The following ZFHX3 variants were observed in gnomAD, a reference collection of about 807,000 sequenced individuals.
ZFHX3 encodes the protein zinc finger homeobox protein 3.
In ZFHX3, 42 loss-of-function variants were observed where a neutral mutation model predicts 279.1. The observed-to-expected ratio is 0.15, with a 90% confidence interval of 0.12 to 0.19. ZFHX3 has a LOEUF of 0.19. ZFHX3 is among the 10% of genes least tolerant of loss of function. ZFHX3 has a pLI of 1.00. For missense variants in ZFHX3, 4,981 were observed against 4,754.0 expected, an observed-to-expected ratio of 1.05 and a Z score of -1.40; for synonymous variants, 2,293 against 1,957.8, an observed-to-expected ratio of 1.17 and a Z score of -4.52.
At chr16:73,591,063 T>A (rs188063763) in intron 2 of ZFHX3, among the ~76,000 whole-genome samples, 2 of 152,062 alleles carry the variant, frequency 1.3e-5, no homozygotes, top group African/African-American at 4.8e-5. Flanking sequence ...CCTCAAAAAC[T>A]AGAAAATAAG....
At chr16:73,676,821 T>C (rs2052959543) in intron 2 of ZFHX3, among the ~76,000 whole-genome samples, 1 of 151,860 alleles carries the variant, frequency 6.6e-6, no homozygotes, top group Non-Finnish European at 1.5e-5. Context: ...TTAATATTAG[T>C]ATTAGAGAAA....
At chr16:72,985,944 G>A (rs946135002) in intron 1 of ZFHX3, among the ~76,000 whole-genome samples, 7 of 152,130 alleles carry the variant, frequency 4.6e-5, no homozygotes, top group African/African-American at 1.7e-4. Context: ...TGTTTATTAT[G>A]ATAATTGCAG....
intron 3 of ZFHX3, among the ~76,000 whole-genome samples, chr16:73,430,295 A>G (rs908774328): frequency 6.6e-6 from 1 of 152,174 alleles, no homozygotes; most frequent in Non-Finnish European, 1.5e-5. Context: ...CAATGAATCC[A>G]TTTAATTAAA....
intron 4 of ZFHX3, among the ~76,000 whole-genome samples, chr16:72,886,767 C>G (rs1422689784): frequency 6.6e-6 from 1 of 152,170 alleles, no homozygotes; most frequent in African/African-American, 2.4e-5. Context: ...TAATGCAGAG[C>G]AGCGGATCAA....
At chr16:73,649,943 A>T (rs2052655302) in intron 2 of ZFHX3, among the ~76,000 whole-genome samples, 2 of 152,226 alleles carry the variant, frequency 1.3e-5, no homozygotes, top group South Asian at 4.1e-4. Context: ...TCTGGATGTG[A>T]GTCACGGCTC....
At chr16:73,390,071 T>C (rs1019604826) in intron 3 of ZFHX3, among the ~76,000 whole-genome samples, 19 of 151,934 alleles carry the variant, frequency 1.3e-4, no homozygotes, top group Admixed American at 2.6e-4. Flanking sequence ...AAAAAATAAA[T>C]AAAAAATAAA....
At chr16:72,990,621 C>T (rs187715901) in intron 1 of ZFHX3, among the ~76,000 whole-genome samples, 15 of 152,272 alleles carry the variant, frequency 9.9e-5, no homozygotes, top group South Asian at 4.1e-4. Flanking sequence ...TCACTTTAAA[C>T]GATTTTTGTC....
At chr16:73,193,973 C>G (rs73597308) in intron 5 of ZFHX3, among the ~76,000 whole-genome samples, 2,489 of 152,264 alleles carry the variant, frequency 0.016, 67 homozygotes, top group African/African-American at 0.056. Flanking sequence ...AAGCCTGATT[C>G]GTTTCTGAAA....
rs745803083 is a variant in ZFHX3, at chr16:72,788,109, T to TTGCTGC, written c.10161_10166dup (p.Gln3388_Gln3389dup). Reference sequence around the variant, plus strand: ...CTTTGGGCTGCTGCTGCTGCACTTTTTGCTGCTGCTGCTGCTGTAGTTGCC... The same window carrying TTGCTGC: ...CTTTGGGCTGCTGCTGCTGCACTTTTTGCTGCTGCTGCTGCTGCTGCTGTAGTTGCC... On this transcript the variant is annotated inframe_insertion, in exon 10 of 10. Coordinates refer to ENST00000268489, the MANE Select transcript of ZFHX3 (RefSeq NM_006885.4). 2.2e-5 allele frequency: 36 copies of TTGCTGC among 1,607,940 alleles called. No individual in the cohort carries two copies. The highest frequency in any genetic ancestry group is 8.4e-5 in the Admixed American group (5 of 59,772).
intron 1 of ZFHX3, among the ~76,000 whole-genome samples, chr16:73,823,517 T>C (rs531859578): frequency 3.9e-5 from 6 of 152,238 alleles, no homozygotes; most frequent in African/African-American, 1.2e-4. Context: ...AGGTCGACTC[T>C]GAACAGAATC....
intron 4 of ZFHX3, among the ~76,000 whole-genome samples, chr16:72,866,110 T>G (rs946381078): frequency 2.0e-5 from 3 of 152,130 alleles, no homozygotes; most frequent in African/African-American, 7.2e-5. Context: ...TGTGGACAGA[T>G]GAAATGAAAA....
intron 1 of ZFHX3, among the ~76,000 whole-genome samples, chr16:73,716,631 ACACACACACACACACACACGCATG>A (rs2053417217): frequency 1.4e-5 from 2 of 143,240 alleles, no homozygotes; most frequent in Admixed American, 6.9e-5. Context: ...ACACACACAC[ACACACACACACACACACACGCATG>A]CACGCACGCA....
At chr16:73,885,611 A>G (rs1300778698) in intron 1 of ZFHX3, among the ~76,000 whole-genome samples, 2 of 152,144 alleles carry the variant, frequency 1.3e-5, no homozygotes, top group Non-Finnish European at 2.9e-5. Context: ...CAAACTGTTC[A>G]AAAACAGTAA....
Position 72,785,083 on chromosome 16 carries a change from G to GTT in ZFHX3, c.*2080_*2081insAA, listed in dbSNP as rs2035304275. Reference sequence around the variant, plus strand: ...TTGAAACATAAGGAAGAAAACGAAGGGAAGAAGGATTTCACACTTTGGGGG... The same window carrying GTT: ...TTGAAACATAAGGAAGAAAACGAAGGTTGAAGAAGGATTTCACACTTTGGGGG... On this transcript the variant is annotated 3_prime_UTR_variant, in exon 10 of 10. Coordinates refer to ENST00000268489, the MANE Select transcript of ZFHX3 (RefSeq NM_006885.4). 1 of 152,590 alleles carries GTT rather than the reference G, an allele frequency of 6.6e-6. No homozygotes were observed. Among genetic ancestry groups the GTT allele is most frequent in the African/African-American group, 2.4e-5 (1 of 41,426 alleles). 9.5% of individuals were successfully genotyped at this position (152,590 alleles called of 1,614,324 possible). A position where few individuals can be genotyped will look rare whatever the true frequency, so the allele number is the denominator to read the frequency against.
intron 5 of ZFHX3, among the ~76,000 whole-genome samples, chr16:73,151,661 T>C (rs547541185): frequency 6.6e-6 from 1 of 152,144 alleles, no homozygotes; most frequent in East Asian, 1.9e-4. Context: ...TAAAAACACA[T>C]TTAGGTCTGT....
At chr16:73,531,815 A>C (rs924514595) in intron 2 of ZFHX3, among the ~76,000 whole-genome samples, 2 of 151,360 alleles carry the variant, frequency 1.3e-5, no homozygotes, top group African/African-American at 4.9e-5. Context: ...TAGGCTGTGC[A>C]CAGTGGTTCA....
At chr16:73,399,831 G>A (rs2017210922) in intron 3 of ZFHX3, among the ~76,000 whole-genome samples, 1 of 80,246 alleles carries the variant, frequency 1.2e-5, no homozygotes, top group African/African-American at 5.5e-5. Flanking sequence ...GTGGAGTGTG[G>A]TGTGTGGTGT....
chr16:73,611,239 C>G (rs567881027), intron 2 of ZFHX3, among the ~76,000 whole-genome samples: 3 of 152,088 alleles, frequency 2.0e-5, no homozygotes, highest in East Asian at 1.9e-4. Context: ...ATTCAACAAA[C>G]CTTTCCTCAA....
At chr16:73,589,119 G>C (rs1468832433) in intron 2 of ZFHX3, among the ~76,000 whole-genome samples, 1 of 151,426 alleles carries the variant, frequency 6.6e-6, no homozygotes, top group East Asian at 2.0e-4. Flanking sequence ...AATTACCTGG[G>C]TGTGGTGATG....
Sources: gnomAD v4.1 joint callset for allele counts (sites outside exome capture counted in the v4.1 genomes callset) on GRCh38, gnomAD v4.1.1 for gene constraint, MANE v1.5 for transcripts, NCBI Gene and HGNC (gene_info 2026-07-23, HGNC 2026-07-21) for gene names.